The following PNPT1 variants were observed in gnomAD, a reference collection of about 807,000 sequenced individuals.
PNPT1 encodes polyribonucleotide nucleotidyltransferase 1.
A neutral mutation model predicts 119.5 loss-of-function variants in PNPT1; 53 were observed. The ratio of observed to expected loss-of-function variants is 0.44; its 90% CI spans 0.36 to 0.56. The LOEUF (loss-of-function observed/expected upper bound fraction) is 0.56, where lower values mean the gene tolerates loss of function less well. Among genes scored for constraint, PNPT1 ranks in the 20% least tolerant of loss-of-function variants. The pLI, the probability that PNPT1 is intolerant of heterozygous loss-of-function variation, is 0.00. For synonymous variants in PNPT1, 357 were observed against 322.1 expected, an observed-to-expected ratio of 1.11 and a Z score of -1.16; for missense variants, 948 against 938.5, an observed-to-expected ratio of 1.01 and a Z score of -0.13.
intron 13 of PNPT1, among the ~76,000 whole-genome samples, chr2:55,664,655 A>G (rs1194649974): frequency 6.6e-6 from 1 of 152,218 alleles, no homozygotes; most frequent in Non-Finnish European, 1.5e-5. Context: ...AAAAACAAAT[A>G]ATAAAATGAC....
At chr2:55,672,085 T>G in intron 9 of PNPT1, 39 bp from the exon 10 acceptor site, 1 of 1,460,168 alleles carries the variant, frequency 6.8e-7, no homozygotes, top group Non-Finnish European at 9.4e-7. Flanking sequence ...TAATAATATC[T>G]GGAAACAAGA....
At chr2:55,636,773 A>G (rs998851534) in intron 27 of PNPT1, among the ~76,000 whole-genome samples, 8 of 152,210 alleles carry the variant, frequency 5.3e-5, no homozygotes, top group African/African-American at 1.4e-4. Context: ...GATTTTCACT[A>G]CTGCTCAAAG....
chr2:55,638,814 A>T (rs1318788380), intron 26 of PNPT1, among the ~76,000 whole-genome samples: 1 of 150,620 alleles, frequency 6.6e-6, no homozygotes, highest in Admixed American at 6.7e-5. Context: ...TCGCTCTGTC[A>T]TCCGGGCTGG....
intron 12 of PNPT1, among the ~76,000 whole-genome samples, chr2:55,667,630 A>T (rs557288412): frequency 8.5e-5 from 13 of 152,066 alleles, no homozygotes; most frequent in Non-Finnish European, 1.9e-4. Flanking sequence ...CTCTACAGGT[A>T]ATCCTGAAGT....
rs1697196220 is a variant in PNPT1 at position 55,680,047 on chromosome 2, AGCCAGTCAGTATTCTCTCTAAC to A, written c.566-274_566-253del. Reference sequence around the variant, plus strand: ...TATGCTCATGTTTGTCCCCTGGTCTAGCCAGTCAGTATTCTCTCTAACGCAAATGCTTAACACTAGATCCTAC... The same window carrying A: ...TATGCTCATGTTTGTCCCCTGGTCTAGCAAATGCTTAACACTAGATCCTAC... On this transcript the variant is annotated intron_variant, in intron 7 of 27. Transcript: ENST00000447944. Among the ~76,000 whole-genome samples the A allele has an allele frequency of 3.3e-5, 5 of 152,294 alleles. No homozygotes were observed. In the South Asian group the frequency reaches 1.0e-3, roughly 32 times the overall value.
chr2:55,691,869 TATA>T (rs1252731616), intron 1 of PNPT1, among the ~76,000 whole-genome samples: 221 of 17,202 alleles, frequency 0.013, 3 homozygotes, highest in Non-Finnish European at 0.019. Context: ...TATATATATA[TATA>T]TATATATTTT....
chr2:55,678,798 G>A (rs1697160945), intron 8 of PNPT1, among the ~76,000 whole-genome samples: 1 of 152,110 alleles, frequency 6.6e-6, no homozygotes, highest in African/African-American at 2.4e-5. Context: ...ACTAATATGT[G>A]GGGATTTTTC....
chr2:55,647,975 CA>C (rs1696053756), intron 18 of PNPT1, among the ~76,000 whole-genome samples: 1 of 152,144 alleles, frequency 6.6e-6, no homozygotes, highest in Admixed American at 6.5e-5. Context: ...CTATATCCAG[CA>C]AAAACTTCTC....
intron 18 of PNPT1, among the ~76,000 whole-genome samples, chr2:55,652,824 C>A (rs1318776124): frequency 2.0e-5 from 3 of 152,074 alleles, no homozygotes; most frequent in Non-Finnish European, 2.9e-5. Context: ...TAGAGAAGTC[C>A]CTTCTGGCTT....
chr2:55,684,387 C>A (rs555220226), intron 4 of PNPT1, among the ~76,000 whole-genome samples: 3 of 152,204 alleles, frequency 2.0e-5, no homozygotes, highest in East Asian at 1.9e-4. Context: ...TCACTTGAAC[C>A]CGGGAGGTAG....
chr2:55,676,910 T>C (rs72807616), intron 8 of PNPT1, among the ~76,000 whole-genome samples: 4,521 of 152,028 alleles, frequency 0.03, 106 homozygotes, highest in South Asian at 0.089. Context: ...AATATTTTAA[T>C]AATGAAATAG....
intron 10 of PNPT1, among the ~76,000 whole-genome samples, chr2:55,671,769 G>A (rs866068124): frequency 7.9e-5 from 12 of 152,232 alleles, no homozygotes; most frequent in Admixed American, 1.3e-4. Context: ...GAAAGTTGCA[G>A]TGAGCTGAGA....
chr2:55,679,639 GT>G (rs1411794188), intron 8 of PNPT1, 42 bp downstream of exon 8: 18 of 1,364,796 alleles, frequency 1.3e-5, no homozygotes, highest in Non-Finnish European at 1.9e-5. Context: ...GCCAGAACTT[GT>G]AAGTAAAATC....
chr2:55,664,958 A>AT (rs1391621714), intron 13 of PNPT1, among the ~76,000 whole-genome samples: 1 of 152,156 alleles, frequency 6.6e-6, no homozygotes, highest in African/African-American at 2.4e-5. Context: ...AGAACTTGAT[A>AT]TAATACTAAA....
chr2:55,659,146 G>A (rs999725801), intron 15 of PNPT1, among the ~76,000 whole-genome samples: 1 of 152,070 alleles, frequency 6.6e-6, no homozygotes, highest in African/African-American at 2.4e-5. Flanking sequence ...TGTAGAGACA[G>A]GATCTCACTA....
At position 55,663,814 on chromosome 2, in the gene PNPT1, TAAAAAATACAAAA is replaced by T. The variant is rs1216848894; in HGVS notation, c.1177-1801_1177-1789del. Among the ~76,000 whole-genome samples, 7 of 151,106 alleles carry T rather than the reference TAAAAAATACAAAA, an allele frequency of 4.6e-5. No individual in the cohort carries two copies. The East Asian group carries it at 1.4e-3, about 29-fold the overall frequency. On this transcript the variant is annotated intron_variant, in intron 13 of 27. Coordinates refer to ENST00000447944, the MANE Select transcript of PNPT1 (RefSeq NM_033109.5). The stretch of plus-strand genomic sequence containing the variant: ...TAACATGGTGAAACCCCGTCTCTAC[TAAAAAATACAAAA>T]AAAAAATTAGCCGGGCGTGGTGGCA...
chr2:55,684,824 T>C, intron 4 of PNPT1, 119 bp downstream of exon 4: 1 of 1,238,638 alleles, frequency 8.1e-7, no homozygotes, highest in East Asian at 2.9e-5. Context: ...TGAATAATCT[T>C]AGGTGGTGTT....
In PNPT1 at chr2:55,644,728, G is replaced by A. The variant is rs376112902; in HGVS notation, c.1823-8C>T. The A allele has an allele frequency of 7.9e-5, 125 of 1,590,062 alleles. No individual in the cohort carries two copies. The highest frequency in any genetic ancestry group is 9.7e-5 in the Non-Finnish European group (113 of 1,160,340). Reference sequence around the variant, plus strand: ...ATGGAACCTGAACAGTTTCTGGAACGTAATACAGACAAATATATAAACAAT... The same window carrying A: ...ATGGAACCTGAACAGTTTCTGGAACATAATACAGACAAATATATAAACAAT... On this transcript the variant is annotated splice_region_variant and splice_polypyrimidine_tract_variant and intron_variant, in intron 22 of 27. Transcript: ENST00000447944.
rs540628713 is a variant in PNPT1 at position 55,646,810 on chromosome 2, T to A, written c.1603-324A>T. ...TGCAATACTTAAGGGTAAGTATTACTATTTTTTTAAAGTAATCATTTTATT... is the reference window on the plus strand; with the variant it reads ...TGCAATACTTAAGGGTAAGTATTACAATTTTTTTAAAGTAATCATTTTATT... On this transcript the variant is annotated intron_variant, in intron 19 of 27. Coordinates refer to ENST00000447944, the MANE Select transcript of PNPT1 (RefSeq NM_033109.5). Among the ~76,000 whole-genome samples the A allele has an allele frequency of 9.2e-5, 14 of 152,338 alleles. No homozygotes were observed. The South Asian group carries it at 2.7e-3, about 29-fold the overall frequency.
Sources: gnomAD v4.1 joint callset for allele counts (sites outside exome capture counted in the v4.1 genomes callset) on GRCh38, gnomAD v4.1.1 for gene constraint, MANE v1.5 for transcripts, NCBI Gene and HGNC (gene_info 2026-07-23, HGNC 2026-07-21) for gene names.